Variants in EMCN observed in about 807,000 individuals in gnomAD.
EMCN encodes the protein endomucin, also known as MUC-14.
Under a neutral mutation model 38.4 loss-of-function variants are expected in EMCN, and 37 were observed. The ratio of observed to expected loss-of-function variants is 0.96; its 90% CI spans 0.74 to 1.27. EMCN has a LOEUF of 1.27. EMCN is among the 50% of genes most tolerant of loss of function. EMCN has a pLI of 0.00. For missense variants in EMCN, 318 were observed against 302.8 expected (o/e 1.05, Z -0.37); for synonymous variants, 95 against 100.8 (o/e 0.94, Z 0.35).
intron 1 of EMCN, among the ~76,000 whole-genome samples, chr4:100,489,035 G>A (rs1273130932): frequency 6.6e-6 from 1 of 152,128 alleles, no homozygotes; most frequent in African/African-American, 2.4e-5. Context: ...TTGTGAAACA[G>A]TTGAACAGGC....
chr4:100,475,200 G>T, intron 2 of EMCN, 91 bp from the exon 3 acceptor site: 1 of 545,058 alleles, frequency 1.8e-6, no homozygotes, highest in Non-Finnish European at 3.0e-6. Flanking sequence ...AGGTGGACTG[G>T]CATTCTCCTT....
At chr4:100,485,381 A>G (rs1289582206) in intron 1 of EMCN, among the ~76,000 whole-genome samples, 3 of 152,106 alleles carry the variant, frequency 2.0e-5, no homozygotes, top group Non-Finnish European at 4.4e-5. Context: ...GTATCACAGT[A>G]TATCATGAAC....
chr4:100,466,679 A>C (rs1728325644), intron 3 of EMCN, among the ~76,000 whole-genome samples: 1 of 152,204 alleles, frequency 6.6e-6, no homozygotes. Context: ...AAATATGTGA[A>C]GTAGAGATAA....
intron 11 of EMCN, among the ~76,000 whole-genome samples, chr4:100,398,930 A>G (rs1043060495): frequency 2.0e-5 from 3 of 152,138 alleles, no homozygotes; most frequent in Non-Finnish European, 4.4e-5. Flanking sequence ...CAAATCTCAT[A>G]TTCCTTTTCT....
chr4:100,467,277 A>G (rs1728341785), intron 3 of EMCN, among the ~76,000 whole-genome samples: 1 of 152,224 alleles, frequency 6.6e-6, no homozygotes, highest in Non-Finnish European at 1.5e-5. Flanking sequence ...ATAGAATAAA[A>G]GATGCTGCCA....
At chr4:100,400,081 A>G (rs1726214723) in intron 11 of EMCN, among the ~76,000 whole-genome samples, 1 of 152,124 alleles carries the variant, frequency 6.6e-6, no homozygotes, top group Non-Finnish European at 1.5e-5. Flanking sequence ...AGTACCCTCT[A>G]CTACTTGAGC....
chr4:100,459,830 A>C (rs1266664689), intron 4 of EMCN, among the ~76,000 whole-genome samples: 1 of 152,130 alleles, frequency 6.6e-6, no homozygotes, highest in Non-Finnish European at 1.5e-5. Flanking sequence ...TTCATCTGTT[A>C]ATGGACACTT....
At chr4:100,416,017 G>T in intron 9 of EMCN, 58 bp from the exon 10 acceptor site, 1 of 1,146,348 alleles carries the variant, frequency 8.7e-7, no homozygotes, top group South Asian at 1.4e-5. Flanking sequence ...GTATGTTTGT[G>T]AAAGTATTGT....
At chr4:100,504,039 C>A (rs947064537) in intron 1 of EMCN, among the ~76,000 whole-genome samples, 2 of 152,084 alleles carry the variant, frequency 1.3e-5, no homozygotes, top group Non-Finnish European at 2.9e-5. Flanking sequence ...ACCCTGTAAA[C>A]CCTTTACCTA....
intron 6 of EMCN, 86 bp from the exon 7 acceptor site, chr4:100,423,166 C>G: frequency 1.4e-6 from 2 of 1,426,414 alleles, no homozygotes; most frequent in East Asian, 2.3e-5. Flanking sequence ...AAGGAAACAG[C>G]CATGATTTGT....
intron 1 of EMCN, among the ~76,000 whole-genome samples, chr4:100,481,083 G>A (rs867041839): frequency 3.9e-5 from 6 of 152,098 alleles, no homozygotes; most frequent in East Asian, 1.9e-4. Flanking sequence ...AAATATTCAC[G>A]TCTATGGAAA....
At chr4:100,406,404 C>G (rs1432695580) in intron 11 of EMCN, among the ~76,000 whole-genome samples, 3 of 152,094 alleles carry the variant, frequency 2.0e-5, no homozygotes, top group African/African-American at 7.2e-5. Flanking sequence ...ACTGTTGAAG[C>G]TGTATCTCAG....
At chr4:100,477,538 T>C (rs1284691473) in intron 2 of EMCN, among the ~76,000 whole-genome samples, 1 of 152,202 alleles carries the variant, frequency 6.6e-6, no homozygotes, top group Non-Finnish European at 1.5e-5. Context: ...CAGTTGCACA[T>C]TTTCCACTTT....
intron 1 of EMCN, among the ~76,000 whole-genome samples, chr4:100,511,848 T>A (rs1009846119): frequency 3.5e-5 from 5 of 143,404 alleles, no homozygotes; most frequent in Admixed American, 2.1e-4. Flanking sequence ...AAAAAAAAAA[T>A]AGGAAGAGGA....
Position 100,424,434 on chromosome 4 carries a change from T to A in EMCN, c.416-1030A>T, listed in dbSNP as rs1726988729. Reference sequence around the variant, plus strand: ...GTAGCTGACACTAAGAGGCACTTCTTATGATTATGGCTCCTTGGGCGTATT... The same window carrying A: ...GTAGCTGACACTAAGAGGCACTTCTAATGATTATGGCTCCTTGGGCGTATT... On this transcript the variant is annotated intron_variant, in intron 5 of 11. Coordinates refer to ENST00000296420, the MANE Select transcript of EMCN (RefSeq NM_016242.4). 2.0e-5 allele frequency among the ~76,000 whole-genome samples: 3 copies of A among 152,086 alleles called. No individual in the cohort carries two copies. The South Asian group carries it at 6.2e-4, about 31-fold the overall frequency.
chr4:100,473,356 C>T (rs1728532530), intron 3 of EMCN, among the ~76,000 whole-genome samples: 1 of 96,660 alleles, frequency 1.0e-5, no homozygotes, highest in South Asian at 4.3e-4. Flanking sequence ...TGGGCATTTC[C>T]CGTTTCGTGT....
chr4:100,512,455 G>C (rs1729650330), intron 1 of EMCN, among the ~76,000 whole-genome samples: 1 of 152,106 alleles, frequency 6.6e-6, no homozygotes, highest in Non-Finnish European at 1.5e-5. Flanking sequence ...ACCTATAATG[G>C]ATAGGAATTC....
intron 10 of EMCN, 26 bp downstream of exon 10, chr4:100,415,872 T>C: frequency 6.7e-7 from 1 of 1,500,428 alleles, no homozygotes; most frequent in South Asian, 1.2e-5. Context: ...CTAATTTTCA[T>C]CTAATCAACT....
At chr4:100,440,874 A>G (rs1727495120) in intron 5 of EMCN, among the ~76,000 whole-genome samples, 1 of 152,074 alleles carries the variant, frequency 6.6e-6, no homozygotes. Context: ...TCATGAGGTC[A>G]GGAGATTGAG....
Sources: gnomAD v4.1 joint callset for allele counts (sites outside exome capture counted in the v4.1 genomes callset) on GRCh38, gnomAD v4.1.1 for gene constraint, MANE v1.5 for transcripts, NCBI Gene and HGNC (gene_info 2026-07-23, HGNC 2026-07-21) for gene names.